The following PDSS2 variants were observed in gnomAD, a reference collection of about 807,000 sequenced individuals.
The protein encoded by PDSS2 is decaprenyl diphosphate synthase subunit 2.
A neutral mutation model predicts 44.5 loss-of-function variants in PDSS2; 31 were observed. The observed-to-expected ratio is 0.70, with a 90% CI of 0.52 to 0.94. The LOEUF is 0.94. PDSS2 is among the 40% of genes least tolerant of loss of function. The probability of loss-of-function intolerance (pLI) is 0.00; values close to 1 mark genes in which losing one functional copy is unlikely to be tolerated. For missense variants in PDSS2, 452 were observed against 482.2 expected (o/e 0.94, Z 0.59); for synonymous variants, 157 against 180.3 (o/e 0.87, Z 1.03).
intron 4 of PDSS2, among the ~76,000 whole-genome samples, chr6:107,231,264 C>T (rs1169380554): frequency 6.6e-6 from 1 of 152,078 alleles, no homozygotes; most frequent in Non-Finnish European, 1.5e-5. Context: ...TTTGGAGGGG[C>T]TTAGCATCAA....
chr6:107,388,255 A>G (rs900895099), intron 1 of PDSS2, among the ~76,000 whole-genome samples: 2 of 152,224 alleles, frequency 1.3e-5, no homozygotes, highest in Admixed American at 6.5e-5. Flanking sequence ...AAATTATACC[A>G]GGCAAAGATG....
Position 107,154,703 on chromosome 6 carries a change from T to G in PDSS2, c.1116A>C (p.Ala372=), listed in dbSNP as rs376392650. 5.6e-6 allele frequency: 9 copies of G among 1,614,010 alleles called. No individual in the cohort carries two copies. Among genetic ancestry groups the G allele is most frequent in the African/African-American group, 4.0e-5 (3 of 74,938 alleles). The change falls in exon 8 of 8, where the codon GCA becomes GCC. Residue 372 remains alanine (A), a synonymous_variant. Coordinates refer to ENST00000369037, the MANE Select transcript of PDSS2 (RefSeq NM_020381.4). ...GAGGAAAGCTCTCCAGGGCCTCCAGTGCCTTGTTTCCATGGTAACGACACA... is the reference window on the plus strand; with the variant it reads ...GAGGAAAGCTCTCCAGGGCCTCCAGGGCCTTGTTTCCATGGTAACGACACA... The part of the protein sequence containing the change: ...IDLCRYHGNK[A]LEALESFPPS...
At chr6:107,421,098 C>T (rs770388605) in intron 1 of PDSS2, among the ~76,000 whole-genome samples, 16 of 152,060 alleles carry the variant, frequency 1.1e-4, no homozygotes, top group Admixed American at 2.6e-4. Context: ...AAAAAACGTT[C>T]GACATCATTA....
chr6:107,182,079 A>G (rs1467275477), intron 7 of PDSS2, among the ~76,000 whole-genome samples: 2 of 152,152 alleles, frequency 1.3e-5, no homozygotes, highest in African/African-American at 4.8e-5. Context: ...GAGAACAAGA[A>G]TCTAATTTTA....
At chr6:107,202,714 C>T (rs751157184) in intron 6 of PDSS2, among the ~76,000 whole-genome samples, 3 of 152,042 alleles carry the variant, frequency 2.0e-5, no homozygotes, top group Non-Finnish European at 4.4e-5. Context: ...CTGATTTTAC[C>T]ATCTCTTTCA....
chr6:107,308,152 G>T (rs573060289), intron 2 of PDSS2, among the ~76,000 whole-genome samples: 1 of 152,158 alleles, frequency 6.6e-6, no homozygotes, highest in Admixed American at 6.5e-5. Flanking sequence ...GCTAAAACTT[G>T]TTCACCTTAA....
At chr6:107,234,175 C>A (rs1302539519) in intron 4 of PDSS2, among the ~76,000 whole-genome samples, 1 of 151,926 alleles carries the variant, frequency 6.6e-6, no homozygotes, top group East Asian at 1.9e-4. Context: ...TTTCCATATT[C>A]TCCAATTCTC....
intron 1 of PDSS2, among the ~76,000 whole-genome samples, chr6:107,345,229 T>C (rs1486395219): frequency 6.6e-6 from 1 of 151,610 alleles, no homozygotes; most frequent in Middle Eastern, 3.2e-3. Context: ...TAGTACTCAG[T>C]GCTTTCCTCA....
chr6:107,337,311 G>C (rs569532443), intron 1 of PDSS2, among the ~76,000 whole-genome samples: 14 of 152,086 alleles, frequency 9.2e-5, no homozygotes, highest in Non-Finnish European at 1.6e-4. Context: ...ACAGAGCCAG[G>C]ATTTGATCCC....
intron 1 of PDSS2, among the ~76,000 whole-genome samples, chr6:107,458,016 A>G (rs778243889): frequency 7.9e-5 from 12 of 152,194 alleles, no homozygotes; most frequent in Non-Finnish European, 1.5e-4. Context: ...AATAGTATAT[A>G]TATCTGTGTG....
intron 1 of PDSS2, among the ~76,000 whole-genome samples, chr6:107,382,163 A>G (rs1779472920): frequency 6.6e-6 from 1 of 152,254 alleles, no homozygotes; most frequent in Admixed American, 6.5e-5. Context: ...ACTACAGCAC[A>G]TATCTGTGTA....
At chr6:107,319,679 C>T (rs1777321744) in intron 2 of PDSS2, among the ~76,000 whole-genome samples, 1 of 152,202 alleles carries the variant, frequency 6.6e-6, no homozygotes. Context: ...CAAAGCGCTG[C>T]AGACAATATA....
At chr6:107,350,525 T>C (rs188859556) in intron 1 of PDSS2, among the ~76,000 whole-genome samples, 5 of 152,288 alleles carry the variant, frequency 3.3e-5, no homozygotes, top group African/African-American at 1.2e-4. Flanking sequence ...ACAGTGAAAG[T>C]TTCAGGCCAG....
At chr6:107,349,606 G>A (rs1265055195) in intron 1 of PDSS2, among the ~76,000 whole-genome samples, 1 of 151,846 alleles carries the variant, frequency 6.6e-6, no homozygotes, top group African/African-American at 2.4e-5. Flanking sequence ...AAAATTAGCT[G>A]GGCCTGGTGG....
At chr6:107,241,188 ACAGTGAGCTGAGATCGCGC>A (rs1774410737) in intron 4 of PDSS2, among the ~76,000 whole-genome samples, 1 of 148,784 alleles carries the variant, frequency 6.7e-6, no homozygotes, top group African/African-American at 2.5e-5. Context: ...GGCAGAGGTT[ACAGTGAGCTGAGATCGCGC>A]CACTGCACTC....
intron 1 of PDSS2, among the ~76,000 whole-genome samples, chr6:107,434,217 T>C (rs1013659868): frequency 6.6e-6 from 1 of 151,954 alleles, no homozygotes; most frequent in African/African-American, 2.4e-5. Context: ...AAACTGAAAA[T>C]AGAGATAACT....
intron 1 of PDSS2, among the ~76,000 whole-genome samples, chr6:107,435,405 G>C (rs1562538231): frequency 6.6e-6 from 1 of 151,504 alleles, no homozygotes; most frequent in Non-Finnish European, 1.5e-5. Context: ...AGTCACACTT[G>C]ATTTGAATCA....
chr6:107,348,582 T>G (rs1445862203), intron 1 of PDSS2, among the ~76,000 whole-genome samples: 1 of 152,232 alleles, frequency 6.6e-6, no homozygotes, highest in Non-Finnish European at 1.5e-5. Context: ...GTTAATAGTT[T>G]TAAACCCAAA....
intron 1 of PDSS2, among the ~76,000 whole-genome samples, chr6:107,417,517 G>A (rs1358544686): frequency 6.6e-6 from 1 of 152,152 alleles, no homozygotes; most frequent in East Asian, 1.9e-4. Context: ...CCAGCACTTG[G>A]GGAGGCCGAG....
Sources: allele counts gnomAD v4.1 joint callset (sites outside exome capture counted in the v4.1 genomes callset), GRCh38; gene constraint gnomAD v4.1.1; transcripts MANE v1.5; gene names NCBI Gene and HGNC (gene_info 2026-07-23, HGNC 2026-07-21).